The following PODN variants were observed in gnomAD, a reference collection of about 807,000 sequenced individuals.
PODN encodes the protein podocan, also known as podocan proteoglycan.
In PODN, 40 loss-of-function variants were observed where a neutral mutation model predicts 52.7. The observed-to-expected ratio is 0.76, with a 90% CI of 0.59 to 0.99. The LOEUF (loss-of-function observed/expected upper bound fraction) is 0.99. Ranked by LOEUF, PODN falls within the 50% of genes least tolerant of loss-of-function variation. The pLI, the probability that PODN is intolerant of heterozygous loss-of-function variation, is 0.00. For synonymous variants in PODN, 396 were observed against 377.9 expected, an observed-to-expected ratio of 1.05 and a Z score of -0.56; for missense variants, 720 against 815.1, an observed-to-expected ratio of 0.88 and a Z score of 1.42.
At position 53,080,779 on chromosome 1, in the gene PODN, G is replaced by T. The variant is rs745436823; in HGVS notation, c.1564G>T (p.Glu522Ter). 4 of 1,614,088 alleles carry T rather than the reference G, an allele frequency of 2.5e-6. No homozygotes were observed. Among genetic ancestry groups the T allele is most frequent in the South Asian group, 1.1e-5 (1 of 91,070 alleles). Residue 522 changes from glutamate to a stop codon, truncating the protein, a stop_gained, in exon 9 of 11, where the codon GAG becomes TAG. Coordinates refer to ENST00000312553, the MANE Select transcript of PODN (RefSeq NM_153703.5). LOFTEE classifies it high-confidence loss of function. ...CACAGAGATCCCCGAGGGGCTCCCCGAGTCACTTGAGTACCTGTACCTGCA... is the reference window on the plus strand; with the variant it reads ...CACAGAGATCCCCGAGGGGCTCCCCTAGTCACTTGAGTACCTGTACCTGCA... ...QLTEIPEGLP[E>*]SLEYLYLQNN...
chr1:53,065,163 G>A (rs755850643), intron 1 of PODN, among the ~76,000 whole-genome samples: 8 of 152,144 alleles, frequency 5.3e-5, no homozygotes, highest in South Asian at 4.2e-4. Flanking sequence ...GAACAGCCTG[G>A]GCAACATAGT....
At chr1:53,063,264 G>A (rs887018837) in intron 1 of PODN, 7 of 759,366 alleles carry the variant, frequency 9.2e-6, no homozygotes, top group East Asian at 1.3e-4. Context: ...CCCCGGCCCC[G>A]GTGCGCGCGG....
At chr1:53,081,835 C>T (rs191853554) in intron 9 of PODN, 146 bp from the exon 10 acceptor site, 76 of 1,256,966 alleles carry the variant, frequency 6.0e-5, no homozygotes, top group Non-Finnish European at 7.8e-5. Context: ...GTACTGCGCT[C>T]TCAGCCCCTG....
intron 1 of PODN, chr1:53,063,462 T>C (rs759519457): frequency 1.1e-4 from 112 of 985,322 alleles, no homozygotes; most frequent in Non-Finnish European, 1.3e-4. Flanking sequence ...ATCCCTCCTT[T>C]ATATAGAAAC....
intron 2 of PODN, among the ~76,000 whole-genome samples, chr1:53,070,397 A>G (rs564800200): frequency 6.6e-6 from 1 of 152,046 alleles, no homozygotes; most frequent in South Asian, 2.1e-4. Flanking sequence ...GTACAATAAA[A>G]CCCACTTTGC....
In PODN at chr1:53,082,097, G is replaced by A; in HGVS notation, c.1778G>A (p.Gly593Asp). 1 of 1,614,048 alleles carries A rather than the reference G, an allele frequency of 6.2e-7. No individual in the cohort carries two copies. The highest frequency in any genetic ancestry group is 8.5e-7 in the Non-Finnish European group (1 of 1,180,010). ...LEFGDISKDRGRLGKEKEEEE... is the reference protein window; with the variant it reads ...LEFGDISKDRDRLGKEKEEEE... ...TTTGGTGACATTTCCAAGGACCGTG[G>A]CCGCTTGGGGAAGGAAAAGGAGGAG... Residue 593 changes from glycine to aspartate, a missense_variant, in exon 10 of 11, where the codon GGC becomes GAC. Coordinates refer to ENST00000312553, the MANE Select transcript of PODN (RefSeq NM_153703.5).
At chr1:53,077,895 C>G in intron 7 of PODN, 95 bp downstream of exon 7, 1 of 930,486 alleles carries the variant, frequency 1.1e-6, no homozygotes, top group Non-Finnish European at 1.6e-6. Context: ...CCCTCACGCA[C>G]GTCCCCTGCC....
chr1:53,083,393 A>C (rs1644322042), intron 10 of PODN, among the ~76,000 whole-genome samples: 1 of 152,120 alleles, frequency 6.6e-6, no homozygotes, highest in Admixed American at 6.5e-5. Flanking sequence ...TGGTGGGAAG[A>C]GGCTGGCCTG....
In PODN at chr1:53,082,031, T is replaced by C; in HGVS notation, c.1712T>C (p.Leu571Pro). 7 of 1,613,540 alleles carry C rather than the reference T, an allele frequency of 4.3e-6. No homozygotes were observed. The highest frequency in any genetic ancestry group is 5.1e-6 in the Non-Finnish European group (6 of 1,179,754). Reference protein sequence around the residue: ...GSVVDSAFRRLKHLQVLDIEG... With the variant: ...GSVVDSAFRRPKHLQVLDIEG... Reference sequence around the variant, plus strand: ...GTGGTGGACAGTGCCTTCCGGAGGCTGAAGCACCTGCAGGTCTTGGACATT... The same window carrying C: ...GTGGTGGACAGTGCCTTCCGGAGGCCGAAGCACCTGCAGGTCTTGGACATT... The change falls in exon 10 of 11, where the codon CTG becomes CCG. Residue 571 changes from leucine (L) to proline (P), a missense_variant. By Grantham distance (98) the Leu-to-Pro change is moderately conservative. Coordinates refer to ENST00000312553, the MANE Select transcript of PODN (RefSeq NM_153703.5).
In PODN at chr1:53,075,851, T is replaced by C. The variant is rs1163318339; in HGVS notation, c.472-11T>C. ...CCATTGCTCTTTCGGCCCCAACTCT[T>C]CCCTTCCCAGCTGACCTTGGCACCC... On this transcript the variant is annotated splice_polypyrimidine_tract_variant and intron_variant, in intron 4 of 10. Coordinates refer to ENST00000312553, the MANE Select transcript of PODN (RefSeq NM_153703.5). The C allele has an allele frequency of 1.3e-6, 2 of 1,582,640 alleles. No individual in the cohort carries two copies. Among genetic ancestry groups the C allele is most frequent in the South Asian group, 1.1e-5 (1 of 86,994 alleles).
In PODN at chr1:53,074,519, C is replaced by T. The variant is rs1391722380; in HGVS notation, c.407-87C>T. The stretch of plus-strand genomic sequence containing the variant: ...CCTCTGCCTCCCTAGTCCTGGCAGG[C>T]GGGTGGGGGAGGAGGGTGGGCGCTT... On this transcript the variant is annotated intron_variant, in intron 3 of 10. Transcript: ENST00000312553. 44 of 1,188,504 alleles carry T rather than the reference C, an allele frequency of 3.7e-5. No individual in the cohort carries two copies. In the African/African-American group the frequency reaches 5.3e-4, roughly 14 times the overall value. The allele number at this position is 1,188,504 out of a possible 1,614,324, so 73.6% of individuals were successfully genotyped here. A position where few individuals can be genotyped will look rare whatever the true frequency, so the allele number is the denominator to read the frequency against.
At chr1:53,067,209 T>G (rs78343210) in intron 1 of PODN, among the ~76,000 whole-genome samples, 6,145 of 152,144 alleles carry the variant, frequency 0.04, 223 homozygotes, top group East Asian at 0.2. Flanking sequence ...GGGCTCCCTG[T>G]TTCTCTGCCG....
intron 10 of PODN, 97 bp downstream of exon 10, chr1:53,082,285 C>G: frequency 7.3e-7 from 1 of 1,372,242 alleles, no homozygotes; most frequent in South Asian, 1.7e-5. Context: ...TTCACCCTCT[C>G]GCCTCTGCTT....
At chr1:53,064,039 A>G (rs1239097309) in intron 1 of PODN, among the ~76,000 whole-genome samples, 3 of 152,176 alleles carry the variant, frequency 2.0e-5, no homozygotes, top group Non-Finnish European at 4.4e-5. Context: ...CTCAGTCTTC[A>G]AGGCCAACTC....
At chr1:53,083,369 G>A (rs1001511) in intron 10 of PODN, among the ~76,000 whole-genome samples, 12,343 of 152,264 alleles carry the variant, frequency 0.081, 857 homozygotes, top group East Asian at 0.23. Context: ...AAAGGAGGGG[G>A]CTGGCTTGGG....
At chr1:53,065,585 C>T (rs1395778909) in intron 1 of PODN, among the ~76,000 whole-genome samples, 1 of 152,230 alleles carries the variant, frequency 6.6e-6, no homozygotes, top group Non-Finnish European at 1.5e-5. Flanking sequence ...CCCCTTAGCC[C>T]TCACCTGTCC....
intron 1 of PODN, chr1:53,063,545 G>T (rs1403038889): frequency 3.0e-6 from 3 of 985,582 alleles, no homozygotes; most frequent in Non-Finnish European, 3.6e-6. Context: ...ATCTGCAGGC[G>T]CACAGCATTC....
intron 1 of PODN, among the ~76,000 whole-genome samples, chr1:53,064,696 C>G (rs17107797): frequency 6.6e-6 from 1 of 152,192 alleles, no homozygotes; most frequent in African/African-American, 2.4e-5. Flanking sequence ...TTCTCAGTAA[C>G]AGTAACCCCT....
Position 53,077,788 on chromosome 1 carries a change from A to G in PODN, c.842A>G (p.Asn281Ser). Residue 281 changes from asparagine (N) to serine (S), a missense_variant, in exon 7 of 11, where the codon AAC (asparagine) becomes AGC (serine). Transcript: ENST00000312553. ...NNYLTDEGLD[N>S]ETFWKLSSLE... Reference sequence around the variant, plus strand: ...TACCTGACTGACGAGGGCCTGGACAACGAGACCTTCTGGTGAGTCCTTGTC... The same window carrying G: ...TACCTGACTGACGAGGGCCTGGACAGCGAGACCTTCTGGTGAGTCCTTGTC... 3 of 1,613,398 alleles carry G rather than the reference A, an allele frequency of 1.9e-6. No homozygotes were observed. Among genetic ancestry groups the G allele is most frequent in the Non-Finnish European group, 1.7e-6 (2 of 1,179,886 alleles).
Sources: gnomAD v4.1 joint callset for allele counts (sites outside exome capture counted in the v4.1 genomes callset) on GRCh38, gnomAD v4.1.1 for gene constraint, MANE v1.5 for transcripts, NCBI Gene and HGNC (gene_info 2026-07-23, HGNC 2026-07-21) for gene names.